AOAH: variants seen among roughly 807,000 people sequenced by gnomAD.
The protein encoded by AOAH is acyloxyacyl hydrolase, also known as acyloxyacyl hydrolase (neutrophil).
A neutral mutation model predicts 92.2 loss-of-function variants in AOAH; 64 were observed. The observed-to-expected ratio is 0.69, with a 90% CI of 0.57 to 0.86. AOAH has a LOEUF of 0.86. Among genes scored for constraint, AOAH ranks in the 40% least tolerant of loss-of-function variants. AOAH has a pLI of 0.00. For missense variants in AOAH, 656 were observed against 694.6 expected (o/e 0.94, Z 0.62); for synonymous variants, 263 against 254.5 (o/e 1.03, Z -0.32).
At chr7:36,588,176 A>T (rs891099889) in intron 12 of AOAH, among the ~76,000 whole-genome samples, 2 of 152,238 alleles carry the variant, frequency 1.3e-5, no homozygotes, top group Non-Finnish European at 1.5e-5. Context: ...TTAAACTGGG[A>T]GGTGAAGAAC....
intron 12 of AOAH, among the ~76,000 whole-genome samples, chr7:36,582,984 A>G (rs1789040914): frequency 1.3e-5 from 2 of 152,084 alleles, no homozygotes; most frequent in Non-Finnish European, 2.9e-5. Context: ...AGCTGGGATT[A>G]TAAGCGCATG....
intron 3 of AOAH, among the ~76,000 whole-genome samples, chr7:36,670,401 C>T (rs922512732): frequency 5.9e-5 from 9 of 152,190 alleles, no homozygotes; most frequent in Middle Eastern, 6.3e-3. Context: ...GACAGAACCA[C>T]GAAGGTGGGA....
At chr7:36,608,980 T>G (rs1035866957) in intron 11 of AOAH, among the ~76,000 whole-genome samples, 3 of 151,400 alleles carry the variant, frequency 2.0e-5, no homozygotes, top group Non-Finnish European at 4.4e-5. Flanking sequence ...TCTTTAGTAG[T>G]CTCCAAAGGC....
chr7:36,638,030 T>G, intron 4 of AOAH, 120 bp from the exon 5 acceptor site: 1 of 782,580 alleles, frequency 1.3e-6, no homozygotes. Flanking sequence ...CTCCATAAAT[T>G]TGTAATAAAA....
intron 12 of AOAH, among the ~76,000 whole-genome samples, chr7:36,586,310 A>G (rs1789318846): frequency 6.6e-6 from 1 of 152,138 alleles, no homozygotes; most frequent in South Asian, 2.1e-4. Context: ...CATTCTTTCC[A>G]ATCAGGCTTC....
intron 12 of AOAH, among the ~76,000 whole-genome samples, chr7:36,591,743 C>A (rs993595670): frequency 6.6e-6 from 1 of 152,138 alleles, no homozygotes; most frequent in African/African-American, 2.4e-5. Context: ...CCCTCTCATC[C>A]CCCAATAGAA....
rs1783902560 is a variant in AOAH, at chr7:36,517,947, ACACACACACACACACACACACACG to A, written c.1599+4068_1599+4091del. 4.7e-5 allele frequency among the ~76,000 whole-genome samples: 3 copies of A among 63,224 alleles called. No homozygotes were observed. In the Admixed American group the frequency reaches 6.3e-4, roughly 13 times the overall value. The allele number at this position is 63,224 out of a possible 152,430, so 41.5% of individuals were successfully genotyped here. A position where few individuals can be genotyped will look rare whatever the true frequency, so the allele number is the denominator to read the frequency against. ...CACACACACCCACACACACACACCC[ACACACACACACACACACACACACG>A]CACACACACACACTGGATTCCTCTT... is the stretch of plus-strand genomic sequence containing the variant. On this transcript the variant is annotated intron_variant, in intron 20 of 20. Transcript: ENST00000617537.
chr7:36,621,832 C>T, intron 7 of AOAH, 52 bp from the exon 8 acceptor site: 1 of 1,534,180 alleles, frequency 6.5e-7, no homozygotes, highest in Non-Finnish European at 9.0e-7. Flanking sequence ...TGATGTTATC[C>T]ACGAGGAAGG....
At chr7:36,639,119 T>C (rs1322760763) in intron 4 of AOAH, among the ~76,000 whole-genome samples, 1 of 152,250 alleles carries the variant, frequency 6.6e-6, no homozygotes, top group East Asian at 1.9e-4. Flanking sequence ...AAACATGACA[T>C]CTTTAATACA....
intron 15 of AOAH, among the ~76,000 whole-genome samples, chr7:36,546,791 A>G (rs1225522287): frequency 1.3e-5 from 2 of 152,110 alleles, no homozygotes; most frequent in African/African-American, 2.4e-5. Context: ...CTGTTTCGTG[A>G]TGGCAGCTAG....
chr7:36,692,454 ATT>A (rs10719526), intron 1 of AOAH, among the ~76,000 whole-genome samples: 9 of 151,090 alleles, frequency 6.0e-5, no homozygotes, highest in Admixed American at 2.0e-4. Context: ...TACTTGAAAC[ATT>A]TTTTTTTTAT....
At chr7:36,547,183 T>C (rs1206684186) in intron 15 of AOAH, among the ~76,000 whole-genome samples, 3 of 152,208 alleles carry the variant, frequency 2.0e-5, no homozygotes, top group African/African-American at 7.2e-5. Flanking sequence ...TAAAGGGTGT[T>C]TGCCATTTAC....
chr7:36,571,300 C>G (rs552906243), intron 13 of AOAH, among the ~76,000 whole-genome samples: 4 of 152,254 alleles, frequency 2.6e-5, no homozygotes, highest in African/African-American at 7.2e-5. Flanking sequence ...GTCTATCCCC[C>G]AAAGGGAGGG....
In AOAH at chr7:36,686,719, C is replaced by T; in HGVS notation, c.203G>A (p.Arg68Lys). 7 of 1,553,744 alleles carry T rather than the reference C, an allele frequency of 4.5e-6. No homozygotes were observed. The highest frequency in any genetic ancestry group is 6.1e-6 in the Non-Finnish European group (7 of 1,148,474). ...TTTACCAGGCAGGTAGCTGCACAGT[C>T]TCTCCATCGAGGCCTGGACCGTCGA... is the stretch of plus-strand genomic sequence containing the variant. ...HNSTVQASME[R>K]LCSYLPEKLF... is the part of the protein sequence containing the mutation. Residue 68 changes from arginine (R) to lysine (K), a missense_variant, in exon 2 of 21, where the codon AGA becomes AAA. Arg to Lys is a conservative substitution (Grantham distance 26). Transcript: ENST00000617537.
chr7:36,594,799 C>A, intron 11 of AOAH: 1 of 302,192 alleles, frequency 3.3e-6, no homozygotes, highest in South Asian at 3.2e-5. Context: ...AGTAATTAAT[C>A]TGAAAAATAA....
chr7:36,519,644 G>A (rs1784008651), intron 20 of AOAH, among the ~76,000 whole-genome samples: 2 of 152,188 alleles, frequency 1.3e-5, no homozygotes, highest in South Asian at 4.1e-4. Flanking sequence ...TGGTCAGGCT[G>A]GTCTAGAACT....
intron 16 of AOAH, among the ~76,000 whole-genome samples, chr7:36,533,701 T>TGTGTG (rs1562541682): frequency 7.9e-6 from 1 of 126,252 alleles, no homozygotes; most frequent in Non-Finnish European, 1.7e-5. Context: ...GTGTGTGTGT[T>TGTGTG]TGTGTGTGTG....
intron 1 of AOAH, among the ~76,000 whole-genome samples, chr7:36,697,326 A>C (rs1326830761): frequency 1.3e-5 from 2 of 152,250 alleles, no homozygotes; most frequent in Middle Eastern, 3.4e-3. Flanking sequence ...CTATTATACT[A>C]ATTTGGTGCA....
chr7:36,610,159 C>CAAAAAA lies in AOAH; in HGVS notation c.846+6215_846+6220dup, dbSNP rs71553082. 9.1e-3 allele frequency among the ~76,000 whole-genome samples: 446 copies of CAAAAAA among 49,246 alleles called. 25 individuals carry two copies. Among genetic ancestry groups the CAAAAAA allele is most frequent in the African/African-American group, 0.031 (371 of 11,980 alleles). 32.3% of individuals were successfully genotyped at this position (49,246 alleles called of 152,430 possible). Reference sequence around the variant, plus strand: ...TTTTAAGGAGAATGCTCCATAATAGCAAAAAAAAAAAAAAAAAAAAAGAAT... The same window carrying CAAAAAA: ...TTTTAAGGAGAATGCTCCATAATAGCAAAAAAAAAAAAAAAAAAAAAAAAAAAGAAT... On this transcript the variant is annotated intron_variant, in intron 11 of 20. Transcript: ENST00000617537.
Sources: gnomAD v4.1 joint callset for allele counts (sites outside exome capture counted in the v4.1 genomes callset) on GRCh38, gnomAD v4.1.1 for gene constraint, MANE v1.5 for transcripts, NCBI Gene and HGNC (gene_info 2026-07-23, HGNC 2026-07-21) for gene names.